Variants in ARHGAP26 observed in about 807,000 individuals in gnomAD.
The protein encoded by ARHGAP26 is rho GTPase-activating protein 26.
A neutral mutation model predicts 104.8 loss-of-function variants in ARHGAP26; 38 were observed. The ratio of observed to expected loss-of-function variants is 0.36; its 90% CI spans 0.28 to 0.48. The LOEUF (loss-of-function observed/expected upper bound fraction) is 0.48, where lower values mean the gene tolerates loss of function less well. ARHGAP26 is among the 20% of genes least tolerant of loss of function. The probability of loss-of-function intolerance (pLI) is 0.99; values close to 1 mark genes in which losing one functional copy is unlikely to be tolerated. For synonymous variants in ARHGAP26, 341 were observed against 340.0 expected (o/e 1.00, Z -0.03); for missense variants, 704 against 947.9 (o/e 0.74, Z 3.38).
At chr5:142,964,611 T>C (rs1012433382) in intron 11 of ARHGAP26, among the ~76,000 whole-genome samples, 3 of 151,976 alleles carry the variant, frequency 2.0e-5, no homozygotes, top group African/African-American at 7.2e-5. Context: ...TGTTAAGAAC[T>C]GTCAAGTCTT....
intron 1 of ARHGAP26, among the ~76,000 whole-genome samples, chr5:142,824,086 A>G (rs967390353): frequency 2.0e-5 from 3 of 152,124 alleles, no homozygotes; most frequent in Admixed American, 6.5e-5. Flanking sequence ...TGGGTTTCAC[A>G]CCATAATTTT....
intron 6 of ARHGAP26, among the ~76,000 whole-genome samples, chr5:142,900,737 C>A: frequency 6.6e-6 from 1 of 151,144 alleles, no homozygotes; most frequent in African/African-American, 2.4e-5. Context: ...TTTTTTTTTA[C>A]ATAATAAGTA....
In ARHGAP26 at chr5:142,879,506, C is replaced by T. The variant is rs1052226524; in HGVS notation, c.384+61C>T. On this transcript the variant is annotated intron_variant, in intron 4 of 22. Transcript: ENST00000645722. ...GTGAGAGGTCTGGAAAACATAGCAC[C>T]TTTCTTTAAAACAAAGTCTTCAGAA... The T allele has an allele frequency of 9.7e-5, 138 of 1,423,406 alleles. 3 individuals are homozygous for T. In the South Asian group the frequency reaches 1.7e-3, roughly 18 times the overall value. 88.2% of individuals were successfully genotyped at this position (1,423,406 alleles called of 1,614,324 possible). A position where few individuals can be genotyped will look rare whatever the true frequency, so the allele number is the denominator to read the frequency against.
chr5:143,075,211 A>C (rs911945308), intron 17 of ARHGAP26, among the ~76,000 whole-genome samples: 5 of 152,150 alleles, frequency 3.3e-5, no homozygotes, highest in African/African-American at 1.2e-4. Flanking sequence ...TTTCAATTGC[A>C]CATTAAAAAT....
At chr5:142,862,779 G>A (rs184603232) in intron 1 of ARHGAP26, among the ~76,000 whole-genome samples, 1 of 152,148 alleles carries the variant, frequency 6.6e-6, no homozygotes. Context: ...TTCCAAGAAG[G>A]TCTGGCTTTC....
At chr5:143,120,414 C>T (rs1474964944) in intron 17 of ARHGAP26, among the ~76,000 whole-genome samples, 1 of 152,158 alleles carries the variant, frequency 6.6e-6, no homozygotes, top group Admixed American at 6.5e-5. Context: ...TCTGTTTATG[C>T]CCTGTTTCAC....
At chr5:142,831,154 G>C (rs560895460) in intron 1 of ARHGAP26, among the ~76,000 whole-genome samples, 63 of 152,236 alleles carry the variant, frequency 4.1e-4, no homozygotes, top group African/African-American at 1.5e-3. Flanking sequence ...CTGATTTGCT[G>C]TCTCCACCCT....
intron 11 of ARHGAP26, among the ~76,000 whole-genome samples, chr5:142,968,000 T>C (rs967225692): frequency 2.6e-5 from 4 of 152,140 alleles, no homozygotes; most frequent in African/African-American, 9.7e-5. Flanking sequence ...TCGGAATTGT[T>C]TTTAGATGAG....
intron 1 of ARHGAP26, among the ~76,000 whole-genome samples, chr5:142,816,335 G>T (rs905868944): frequency 6.6e-6 from 1 of 152,190 alleles, no homozygotes; most frequent in South Asian, 2.1e-4. Context: ...ATATCATTTT[G>T]ATGTAAAGAG....
Position 143,119,022 on chromosome 5 carries a change from A to G in ARHGAP26, c.1539-1966A>G, listed in dbSNP as rs1795827089. On this transcript the variant is annotated intron_variant, in intron 17 of 22. Coordinates refer to ENST00000645722, the MANE Select transcript of ARHGAP26 (RefSeq NM_001135608.3). Reference sequence around the variant, plus strand: ...CAGTCGTCATTATCAGAACAATTAAACAATAAAAGCACTGCTAAACATTCA... The same window carrying G: ...CAGTCGTCATTATCAGAACAATTAAGCAATAAAAGCACTGCTAAACATTCA... Among the ~76,000 whole-genome samples, 4 of 152,268 alleles carry G rather than the reference A, an allele frequency of 2.6e-5. No homozygotes were observed. The South Asian group carries it at 8.3e-4, about 32-fold the overall frequency.
chr5:142,936,146 C>CACACACACACA (rs1255246557), intron 11 of ARHGAP26, among the ~76,000 whole-genome samples: 5 of 148,856 alleles, frequency 3.4e-5, no homozygotes, highest in East Asian at 1.9e-4. Context: ...CACACACACA[C>CACACACACACA]CCCTTCTATA....
chr5:143,038,213 A>C (rs1393738984), intron 13 of ARHGAP26, among the ~76,000 whole-genome samples: 1 of 152,224 alleles, frequency 6.6e-6, no homozygotes, highest in Admixed American at 6.5e-5. Context: ...TCTCTTTTAA[A>C]GCAGGATTCA....
chr5:143,037,998 C>T (rs974692283), intron 13 of ARHGAP26, among the ~76,000 whole-genome samples: 19 of 152,230 alleles, frequency 1.2e-4, no homozygotes, highest in African/African-American at 3.6e-4. Context: ...TGATGGTCTC[C>T]ATCCCTTCTT....
At chr5:142,917,016 T>C (rs891377591) in intron 10 of ARHGAP26, among the ~76,000 whole-genome samples, 3 of 151,480 alleles carry the variant, frequency 2.0e-5, no homozygotes, top group Admixed American at 6.6e-5. Context: ...CCAGGGCACA[T>C]TGGTGCCTCA....
At chr5:142,808,004 G>C (rs534347170) in intron 1 of ARHGAP26, among the ~76,000 whole-genome samples, 18 of 152,156 alleles carry the variant, frequency 1.2e-4, no homozygotes, top group Non-Finnish European at 2.2e-4. Flanking sequence ...GGGAGGCCGA[G>C]GCGGGCGGAT....
At chr5:143,077,912 C>T (rs968521241) in intron 17 of ARHGAP26, among the ~76,000 whole-genome samples, 1 of 152,172 alleles carries the variant, frequency 6.6e-6, no homozygotes, top group East Asian at 1.9e-4. Context: ...CTCCCCTCCC[C>T]CAACCCTGGT....
intron 17 of ARHGAP26, among the ~76,000 whole-genome samples, chr5:143,101,848 CAT>C: frequency 6.7e-6 from 1 of 150,134 alleles, no homozygotes; most frequent in South Asian, 2.1e-4. Context: ...CGTCATATGA[CAT>C]AAAAGCTTTT....
chr5:143,226,044 T>TG lies in ARHGAP26; in HGVS notation c.*3600dup, dbSNP rs1811632510. 4.7e-6 allele frequency: 1 copy of TG among 212,694 alleles called. No homozygotes were observed. The highest frequency in any genetic ancestry group is 9.5e-6 in the Non-Finnish European group (1 of 105,026). The allele number at this position is 212,694 out of a possible 1,614,324, so 13.2% of individuals were successfully genotyped here. ...AATTGGTTATCAGAGTGGAAGACCA[T>TG]GGCCCAGGATCCCTGAGCTTTCCCA... On this transcript the variant is annotated 3_prime_UTR_variant, in exon 23 of 23. Transcript: ENST00000645722.
At chr5:143,026,274 C>T (rs1355859353) in intron 12 of ARHGAP26, among the ~76,000 whole-genome samples, 1 of 152,146 alleles carries the variant, frequency 6.6e-6, no homozygotes, top group Non-Finnish European at 1.5e-5. Context: ...GGCAGATTGT[C>T]TCTGCTCTCA....
Sources: gnomAD v4.1 joint callset for allele counts (sites outside exome capture counted in the v4.1 genomes callset) on GRCh38, gnomAD v4.1.1 for gene constraint, MANE v1.5 for transcripts, NCBI Gene and HGNC (gene_info 2026-07-23, HGNC 2026-07-21) for gene names.